The following SPINT2 variants were observed in gnomAD, a reference collection of about 807,000 sequenced individuals.
SPINT2 encodes serine peptidase inhibitor, Kunitz type 2, also known as kunitz-type protease inhibitor 2.
In SPINT2, 18 loss-of-function variants were observed where a neutral mutation model predicts 30.1. That is an observed-to-expected ratio of 0.60 (90% CI 0.41 to 0.89). SPINT2 has a LOEUF of 0.89. Ranked by LOEUF, SPINT2 falls within the 40% of genes least tolerant of loss-of-function variation. The pLI is 0.00. For synonymous variants in SPINT2, 139 were observed against 137.9 expected, an observed-to-expected ratio of 1.01 and a Z score of -0.05; for missense variants, 276 against 334.3, an observed-to-expected ratio of 0.83 and a Z score of 1.36.
At chr19:38,289,325 A>G (rs1161376115) in intron 4 of SPINT2, 134 bp downstream of exon 4, 1 of 747,974 alleles carries the variant, frequency 1.3e-6, no homozygotes, top group Non-Finnish European at 2.3e-6. Context: ...TCTACTAAAA[A>G]TACGAAAAAT....
intron 1 of SPINT2, among the ~76,000 whole-genome samples, chr19:38,270,001 C>T (rs1197037936): frequency 6.6e-6 from 1 of 152,108 alleles, no homozygotes; most frequent in Non-Finnish European, 1.5e-5. Flanking sequence ...GCTGGGATTA[C>T]AGGCTCGAGC....
Position 38,292,250 on chromosome 19 carries a change from T to C in SPINT2, c.*244T>C. On this transcript the variant is annotated 3_prime_UTR_variant, in exon 7 of 7. Coordinates refer to ENST00000301244, the MANE Select transcript of SPINT2 (RefSeq NM_021102.4). ...GTTGTTTCCTCGCTGATCGATTTCT[T>C]TCCTCCAGGTAGAGTTTTCTTTGCT... The C allele has an allele frequency of 2.0e-6, 1 of 488,902 alleles. No individual in the cohort carries two copies. The highest frequency in any genetic ancestry group is 3.5e-5 in the East Asian group (1 of 28,434). 30.3% of individuals were successfully genotyped at this position (488,902 alleles called of 1,614,324 possible).
At chr19:38,268,766 C>CGCGCGCGCGTGTGTGT (rs375982086) in intron 1 of SPINT2, among the ~76,000 whole-genome samples, 2 of 149,818 alleles carry the variant, frequency 1.3e-5, no homozygotes, top group Non-Finnish European at 3.0e-5. Context: ...TGCGCGCGCG[C>CGCGCGCGCGTGTGTGT]GTGTGTGTGT....
At chr19:38,272,977 C>T (rs891717339) in intron 1 of SPINT2, among the ~76,000 whole-genome samples, 6 of 152,308 alleles carry the variant, frequency 3.9e-5, no homozygotes, top group African/African-American at 1.2e-4. Context: ...CTGCCTCAGC[C>T]TCCCAGAGTG....
intron 1 of SPINT2, among the ~76,000 whole-genome samples, chr19:38,271,489 CAAA>C (rs759555989): frequency 1.5e-5 from 2 of 133,284 alleles, no homozygotes; most frequent in African/African-American, 5.5e-5. Flanking sequence ...AAGACTCTCT[CAAA>C]AAAAAAAAAA....
rs948867115 is a variant in SPINT2 at position 38,264,660 on chromosome 19, G to A, written c.-233G>A. ...GCCGTTGAGTGTCGCAGGCGGCGAG[G>A]GCGCGAGTGAGGAGCAGACCCAGGC... On this transcript the variant is annotated 5_prime_UTR_variant, in exon 1 of 7. Coordinates refer to ENST00000301244, the MANE Select transcript of SPINT2 (RefSeq NM_021102.4). The A allele has an allele frequency of 1.8e-6, 1 of 542,284 alleles. No homozygotes were observed. The highest frequency in any genetic ancestry group is 2.0e-5 in the African/African-American group (1 of 49,426). 33.6% of individuals were successfully genotyped at this position (542,284 alleles called of 1,614,324 possible).
In SPINT2 at chr19:38,290,051, C is replaced by G. The variant is rs571636355; in HGVS notation, c.392-68C>G. The G allele has an allele frequency of 8.8e-6, 14 of 1,586,878 alleles. No homozygotes were observed. The African/African-American group carries it at 1.9e-4, about 21-fold the overall frequency. Reference sequence around the variant, plus strand: ...CTGGAGCCGCAAGCCTCCTCAGGCACTTTCTGGCTTGCTTCCCCTCCTTGC... The same window carrying G: ...CTGGAGCCGCAAGCCTCCTCAGGCAGTTTCTGGCTTGCTTCCCCTCCTTGC... On this transcript the variant is annotated intron_variant, in intron 4 of 6. Transcript: ENST00000301244. The surrounding 1 kb of genome is among the most constrained non-coding windows in gnomAD (Gnocchi z 4.3).
Position 38,277,250 on chromosome 19 carries a change from T to G in SPINT2, c.107-6377T>G, listed in dbSNP as rs189961754. Among the ~76,000 whole-genome samples, 24 of 151,734 alleles carry G rather than the reference T, an allele frequency of 1.6e-4. No individual in the cohort carries two copies. In the East Asian group the frequency reaches 3.7e-3, roughly 23 times the overall value. ...AGGTACTATCTCATCTGTTTTGTTT[T>G]TTTGTTTTTTTGTTTTTGAGATGAG... On this transcript the variant is annotated intron_variant, in intron 1 of 6. Transcript: ENST00000301244.
chr19:38,290,999 G>A lies in SPINT2; in HGVS notation c.592+424G>A, dbSNP rs370710354. Reference sequence around the variant, plus strand: ...GAGCGGGAGGCCAGGCCTCTGGCCTGTGTTTCTGAGCTTGAGTTGCAGGTG... The same window carrying A: ...GAGCGGGAGGCCAGGCCTCTGGCCTATGTTTCTGAGCTTGAGTTGCAGGTG... On this transcript the variant is annotated intron_variant, in intron 6 of 6. Coordinates refer to ENST00000301244, the MANE Select transcript of SPINT2 (RefSeq NM_021102.4). This position sits in a 1 kb window ranked among gnomAD's most constrained non-coding sequence, Gnocchi z 4.3. 9.4e-5 allele frequency: 24 copies of A among 255,862 alleles called. No homozygotes were observed. The East Asian group carries it at 1.3e-3, about 14-fold the overall frequency. The allele number at this position is 255,862 out of a possible 1,614,324, so 15.8% of individuals were successfully genotyped here. A position where few individuals can be genotyped will look rare whatever the true frequency, so the allele number is the denominator to read the frequency against.
Position 38,272,000 on chromosome 19 carries a change from G to A in SPINT2, c.106+7002G>A, listed in dbSNP as rs150288505. Among the ~76,000 whole-genome samples the A allele has an allele frequency of 2.6e-3, 394 of 152,224 alleles. 11 individuals are homozygous for A. In the East Asian group the frequency reaches 0.05, roughly 19 times the overall value. ...TCACGCTTGTAATCCCAGCACTTTGGGGGGCTGAGGCAGGTGGATTGCTTG... is the reference window on the plus strand; with the variant it reads ...TCACGCTTGTAATCCCAGCACTTTGAGGGGCTGAGGCAGGTGGATTGCTTG... On this transcript the variant is annotated intron_variant, in intron 1 of 6. Coordinates refer to ENST00000301244, the MANE Select transcript of SPINT2 (RefSeq NM_021102.4).
intron 1 of SPINT2, among the ~76,000 whole-genome samples, chr19:38,273,877 A>G: frequency 6.6e-6 from 1 of 152,090 alleles, no homozygotes; most frequent in Non-Finnish European, 1.5e-5. Flanking sequence ...CTGTCCCTAT[A>G]TTAGTCCTGT....
chr19:38,289,475 ACT>A (rs1968684928), intron 4 of SPINT2: 1 of 136,370 alleles, frequency 7.3e-6, no homozygotes, highest in African/African-American at 3.2e-5. Flanking sequence ...ACAGAGTGAG[ACT>A]CTGTCTCAAA....
intron 1 of SPINT2, among the ~76,000 whole-genome samples, chr19:38,273,995 C>T (rs1166206690): frequency 6.6e-6 from 1 of 152,080 alleles, no homozygotes; most frequent in African/African-American, 2.4e-5. Context: ...CTTCAGGAGG[C>T]CGAGGCGGGT....
intron 1 of SPINT2, among the ~76,000 whole-genome samples, chr19:38,277,607 T>C (rs1037459646): frequency 6.6e-6 from 1 of 152,232 alleles, no homozygotes; most frequent in Non-Finnish European, 1.5e-5. Context: ...CAGCAGACTG[T>C]AGATTGTTGT....
intron 1 of SPINT2, among the ~76,000 whole-genome samples, chr19:38,278,240 C>A (rs1968541973): frequency 6.6e-6 from 1 of 152,078 alleles, no homozygotes; most frequent in African/African-American, 2.4e-5. Context: ...TGATAAAGAC[C>A]CTGAGGAATG....
chr19:38,267,663 T>A (rs1280303744), intron 1 of SPINT2, among the ~76,000 whole-genome samples: 1 of 141,490 alleles, frequency 7.1e-6, no homozygotes, highest in East Asian at 2.3e-4. Context: ...GGGGCGAGGG[T>A]GGGAGGAGAT....
intron 1 of SPINT2, among the ~76,000 whole-genome samples, chr19:38,274,146 C>CT (rs1968489332): frequency 6.6e-6 from 1 of 151,916 alleles, no homozygotes; most frequent in Non-Finnish European, 1.5e-5. Flanking sequence ...GGGTGGGTCA[C>CT]TGAGCACAGG....
rs373217031 is a variant in SPINT2 at position 38,290,127 on chromosome 19, A to G, written c.400A>G (p.Thr134Ala). The change falls in exon 5 of 7, where the codon ACC becomes GCC. Residue 134 changes from threonine to alanine, a missense_variant. Transcript: ENST00000301244. This position sits in a 1 kb window ranked among gnomAD's most constrained non-coding sequence, Gnocchi z 4.3. The stretch of plus-strand genomic sequence containing the variant: ...GGCTGTCTTACTCCTAGAATACTGC[A>G]CCGCCAACGCAGTCACTGGGCCTTG... ...SDMFNYEEYC[T>A]ANAVTGPCRA... The G allele has an allele frequency of 5.0e-6, 8 of 1,612,350 alleles. No individual in the cohort carries two copies. The African/African-American group carries it at 1.1e-4, about 22-fold the overall frequency.
intron 1 of SPINT2, among the ~76,000 whole-genome samples, chr19:38,274,330 A>G (rs1018133567): frequency 2.6e-5 from 4 of 150,950 alleles, no homozygotes; most frequent in African/African-American, 9.7e-5. Flanking sequence ...TTTTTTTTTG[A>G]GATGGAGTTC....
Sources: gnomAD v4.1 joint callset for allele counts (sites outside exome capture counted in the v4.1 genomes callset) on GRCh38, gnomAD v4.1.1 for gene constraint, Gnocchi (gnomAD v3.1) non-coding constraint, MANE v1.5 for transcripts, NCBI Gene and HGNC (gene_info 2026-07-23, HGNC 2026-07-21) for gene names.